ACSL4: variants seen among roughly 807,000 people sequenced by gnomAD.
ACSL4 encodes the protein long-chain-fatty-acid--CoA ligase 4.
In ACSL4, 9 loss-of-function variants were observed where a neutral mutation model predicts 49.1. The ratio of observed to expected loss-of-function variants is 0.18; its 90% CI spans 0.11 to 0.32. The LOEUF (loss-of-function observed/expected upper bound fraction) is 0.32. Among genes scored for constraint, ACSL4 ranks in the 10% least tolerant of loss-of-function variants. The pLI is 1.00. For synonymous variants in ACSL4, 191 were observed against 170.3 expected, an observed-to-expected ratio of 1.12 and a Z score of -0.95; for missense variants, 333 against 493.7, an observed-to-expected ratio of 0.67 and a Z score of 3.08.
chrX:109,676,366 A>G (rs1923685965), intron 8 of ACSL4, among the ~76,000 whole-genome samples: 1 of 111,654 alleles, frequency 9.0e-6, no homozygotes, highest in Non-Finnish European at 1.9e-5. Context: ...TGGTATTTCT[A>G]CAAATAAAGT....
intron 3 of ACSL4, 73 bp downstream of exon 3, chrX:109,683,063 C>T (rs1265627447): frequency 1.4e-5 from 15 of 1,099,699 alleles, no homozygotes; most frequent in South Asian, 3.8e-5. Context: ...ATACTTAAAA[C>T]GCACTCGATT....
intron 1 of ACSL4, among the ~76,000 whole-genome samples, chrX:109,697,353 G>T (rs977502133): frequency 1.5e-4 from 17 of 110,759 alleles, no homozygotes; most frequent in African/African-American, 5.6e-4. Flanking sequence ...TGTTTTGTTG[G>T]TTTTTTTTAG....
intron 1 of ACSL4, among the ~76,000 whole-genome samples, chrX:109,726,072 C>T (rs1008605441): frequency 9.0e-6 from 1 of 111,727 alleles, no homozygotes; most frequent in Non-Finnish European, 1.9e-5. Flanking sequence ...CTCCAATCTC[C>T]CCCACTCATA....
At chrX:109,720,522 G>A (rs985661382) in intron 1 of ACSL4, among the ~76,000 whole-genome samples, 1 of 111,552 alleles carries the variant, frequency 9.0e-6, no homozygotes, top group African/African-American at 3.3e-5. Context: ...AATTTGAGCT[G>A]TATAACATAC....
chrX:109,650,763 C>T (rs915590789), intron 15 of ACSL4, among the ~76,000 whole-genome samples: 6 of 111,960 alleles, frequency 5.4e-5, no homozygotes, highest in Admixed American at 1.9e-4. Context: ...GTAGTTATCA[C>T]CACCCAACAT....
intron 2 of ACSL4, chrX:109,692,143 A>T (rs1004227234): frequency 1.4e-4 from 16 of 111,795 alleles, no homozygotes; most frequent in African/African-American, 5.2e-4. Flanking sequence ...TTAATGCTCT[A>T]GAGTGAATTC....
At chrX:109,733,117 C>A (rs1233700535) in intron 1 of ACSL4, 22 bp downstream of exon 1, 1 of 327,780 alleles carries the variant, frequency 3.1e-6, no homozygotes, top group African/African-American at 2.6e-5. Flanking sequence ...GGGCCGCAAC[C>A]TCCCCATCCA....
At chrX:109,709,798 C>A (rs1391342133) in intron 1 of ACSL4, among the ~76,000 whole-genome samples, 1 of 112,351 alleles carries the variant, frequency 8.9e-6, no homozygotes, top group Non-Finnish European at 1.9e-5. Flanking sequence ...ACCTGATCCC[C>A]AGATAAACTG....
rs188901097 is a variant in ACSL4 at position 109,647,476 on chromosome X, A to G, written c.1856-3290T>C. Among the ~76,000 whole-genome samples the G allele has an allele frequency of 5.5e-3, 614 of 111,897 alleles. 6 individuals are homozygous for G. The highest frequency in any genetic ancestry group is 0.017 in the African/African-American group (531 of 30,800). ...AATAAAGATGTTCTTTGAAACCAAC[A>G]AGAACAAAGACACAATATACCAGAA... On this transcript the variant is annotated intron_variant, in intron 15 of 15. Coordinates refer to ENST00000672401, the MANE Select transcript of ACSL4 (RefSeq NM_001318510.2).
intron 15 of ACSL4, among the ~76,000 whole-genome samples, chrX:109,645,836 C>T (rs1041382964): frequency 8.9e-5 from 10 of 112,033 alleles, no homozygotes; most frequent in Non-Finnish European, 1.5e-4. Flanking sequence ...AAGAAGCTGA[C>T]GGAGCTGAAA....
rs1019689342 is a variant in ACSL4 at position 109,663,550 on chromosome X, G to A, written c.1391-148C>T. 3 of 503,207 alleles carry A rather than the reference G, an allele frequency of 6.0e-6. No homozygotes were observed. In the African/African-American group the frequency reaches 7.2e-5, roughly 12 times the overall value. The allele number at this position is 503,207 out of a possible 1,213,427, so 41.5% of individuals were successfully genotyped here. A position where few individuals can be genotyped will look rare whatever the true frequency, so the allele number is the denominator to read the frequency against. ...AGTTTATATTTACTAAAATTTACATGAGGATACTGGGTGACTGTGATTTTA... is the reference window on the plus strand; with the variant it reads ...AGTTTATATTTACTAAAATTTACATAAGGATACTGGGTGACTGTGATTTTA... On this transcript the variant is annotated intron_variant, in intron 12 of 15. Transcript: ENST00000672401.
rs1243446230 is a variant in ACSL4, at chrX:109,697,712, G to T, written c.-65-1516C>A. 6.7e-5 allele frequency among the ~76,000 whole-genome samples: 2 copies of T among 29,755 alleles called. 1 individual carries two copies. Among genetic ancestry groups the T allele is most frequent in the Admixed American group, 5.1e-4 (2 of 3,945 alleles). The allele number at this position is 29,755 out of a possible 115,157, so 25.8% of individuals were successfully genotyped here. On this transcript the variant is annotated intron_variant, in intron 1 of 15. Coordinates refer to ENST00000672401, the MANE Select transcript of ACSL4 (RefSeq NM_001318510.2). ...AAGGCTAACATTTGCTATTGACATG[G>T]GGGGGGGGGCGCGGGGAACTTGCAT... is the stretch of plus-strand genomic sequence containing the variant.
intron 1 of ACSL4, among the ~76,000 whole-genome samples, chrX:109,701,616 G>A (rs1396612647): frequency 1.0e-5 from 1 of 99,139 alleles, no homozygotes; most frequent in South Asian, 5.0e-4. Context: ...CATGATCTCG[G>A]CTCACTGCAA....
At chrX:109,724,275 G>GT (rs756112621) in intron 1 of ACSL4, among the ~76,000 whole-genome samples, 1 of 110,301 alleles carries the variant, frequency 9.1e-6, no homozygotes, top group Non-Finnish European at 1.9e-5. Context: ...GGGCTTTTTT[G>GT]TTTTTTTGTT....
intron 1 of ACSL4, among the ~76,000 whole-genome samples, chrX:109,713,008 G>T (rs1211167194): frequency 5.7e-5 from 6 of 105,675 alleles, no homozygotes; most frequent in African/African-American, 2.1e-4. Flanking sequence ...GGGAGGGAAG[G>T]AGGAGAGAAG....
At chrX:109,701,906 T>TAAA (rs772972889) in intron 1 of ACSL4, among the ~76,000 whole-genome samples, 2 of 80,087 alleles carry the variant, frequency 2.5e-5, no homozygotes, top group Middle Eastern at 5.5e-3. Context: ...CAACTTGCTT[T>TAAA]AAAAAAAAAA....
At position 109,681,009 on chromosome X, in the gene ACSL4, T is replaced by C. The variant is rs1924119445; in HGVS notation, c.644A>G (p.Asn215Ser). The change falls in exon 6 of 16, where the codon AAC becomes AGC. Residue 215 changes from asparagine to serine, a missense_variant. Asn to Ser is a conservative substitution (Grantham distance 46). This residue lies in a region of ACSL4 where 157 missense variants were observed against 201.1 expected (regional missense o/e 0.78). Coordinates refer to ENST00000672401, the MANE Select transcript of ACSL4 (RefSeq NM_001318510.2). ...ACTGCTTTACTTACAGTTTTCTGGG[T>C]TAGATCCCAACTCTTCTACTGATTG... Reference protein sequence around the residue: ...SMQSVEELGSNPENLGIPPSR... With the variant: ...SMQSVEELGSSPENLGIPPSR... The C allele has an allele frequency of 8.3e-7, 1 of 1,209,227 alleles. No homozygotes were observed. Among genetic ancestry groups the C allele is most frequent in the African/African-American group, 1.7e-5 (1 of 57,259 alleles).
At chrX:109,678,569 C>G (rs1391948785) in intron 6 of ACSL4, among the ~76,000 whole-genome samples, 154 bp from the exon 7 acceptor site, 1 of 112,616 alleles carries the variant, frequency 8.9e-6, no homozygotes, top group East Asian at 2.8e-4. Context: ...GTGGCTCATG[C>G]CTGTAATCCT....
intron 15 of ACSL4, among the ~76,000 whole-genome samples, chrX:109,652,945 A>G (rs1243838187): frequency 2.7e-5 from 3 of 111,777 alleles, no homozygotes; most frequent in Non-Finnish European, 5.7e-5. Context: ...TCAGAAAATT[A>G]TTCTTGGGGA....
Sources: gnomAD v4.1 joint callset for allele counts (sites outside exome capture counted in the v4.1 genomes callset) on GRCh38, gnomAD v4.1.1 for gene constraint, gnomAD v4.1.1 regional missense constraint, MANE v1.5 for transcripts, NCBI Gene and HGNC (gene_info 2026-07-23, HGNC 2026-07-21) for gene names.